ARHGEF6: variants seen among roughly 807,000 people sequenced by gnomAD.
ARHGEF6 encodes the protein Rac/Cdc42 guanine nucleotide exchange factor 6, also known as rho guanine nucleotide exchange factor 6.
Under a neutral mutation model 70.3 loss-of-function variants are expected in ARHGEF6, and 9 were observed. The ratio of observed to expected loss-of-function variants is 0.13; its 90% CI spans 0.08 to 0.22. The LOEUF (loss-of-function observed/expected upper bound fraction) is 0.22. Ranked by LOEUF, ARHGEF6 falls within the 10% of genes least tolerant of loss-of-function variation. ARHGEF6 has a pLI of 1.00. For synonymous variants in ARHGEF6, 201 were observed against 207.8 expected (o/e 0.97, Z 0.28); for missense variants, 470 against 563.0 (o/e 0.83, Z 1.67).
intron 2 of ARHGEF6, among the ~76,000 whole-genome samples, chrX:136,777,786 A>C (rs989857089): frequency 1.8e-5 from 2 of 109,818 alleles, no homozygotes; most frequent in Admixed American, 2.0e-4. Flanking sequence ...ACACACACAC[A>C]CCATGGAATA....
intron 2 of ARHGEF6, among the ~76,000 whole-genome samples, chrX:136,771,856 G>A (rs970156933): frequency 8.9e-5 from 10 of 111,801 alleles, no homozygotes; most frequent in East Asian, 2.8e-4. Flanking sequence ...GAGGTGCCTC[G>A]AAAAACTGAA....
intron 2 of ARHGEF6, among the ~76,000 whole-genome samples, chrX:136,762,886 C>G (rs1186000955): frequency 9.0e-6 from 1 of 111,525 alleles, no homozygotes; most frequent in Non-Finnish European, 1.9e-5. Context: ...ATGTCCAAAG[C>G]TCAAGCTCAT....
At chrX:136,693,677 T>C (rs374324117) in intron 9 of ARHGEF6, among the ~76,000 whole-genome samples, 1 of 112,162 alleles carries the variant, frequency 8.9e-6, no homozygotes, top group Non-Finnish European at 1.9e-5. Flanking sequence ...TCTGGGATAT[T>C]CTGGGTTGGA....
At chrX:136,727,325 T>TTCTTTCTCTTTC (rs1556284733) in intron 6 of ARHGEF6, among the ~76,000 whole-genome samples, 34 of 61,086 alleles carry the variant, frequency 5.6e-4, no homozygotes, top group Non-Finnish European at 9.2e-4. Context: ...CTTTCTTTCT[T>TTCTTTCTCTTTC]TTTCTTTCTT....
chrX:136,678,062 G>T, intron 16 of ARHGEF6, 106 bp from the exon 17 acceptor site: 1 of 730,551 alleles, frequency 1.4e-6, no homozygotes, highest in Non-Finnish European at 2.2e-6. Context: ...AAATGTTAGT[G>T]TTATCATAAA....
At chrX:136,681,606 T>C (rs780168251) in intron 14 of ARHGEF6, among the ~76,000 whole-genome samples, 1 of 112,199 alleles carries the variant, frequency 8.9e-6, no homozygotes, top group East Asian at 2.8e-4. Flanking sequence ...GGAAGAAAAT[T>C]GCGTTTACAT....
intron 20 of ARHGEF6, among the ~76,000 whole-genome samples, 186 bp downstream of exon 20, chrX:136,671,834 T>C (rs753154985): frequency 3.0e-4 from 34 of 111,918 alleles, no homozygotes; most frequent in Non-Finnish European, 5.5e-4. Flanking sequence ...TGCTTTTCCT[T>C]CCTCTTTCCA....
chrX:136,773,899 G>T (rs1301503897), intron 2 of ARHGEF6: 1 of 111,442 alleles, frequency 9.0e-6, no homozygotes, highest in Non-Finnish European at 1.9e-5. Context: ...ATAATGCCCA[G>T]GTCAGCATGA....
intron 2 of ARHGEF6, among the ~76,000 whole-genome samples, chrX:136,768,797 C>T (rs1256798882): frequency 9.0e-6 from 1 of 111,650 alleles, no homozygotes; most frequent in Non-Finnish European, 1.9e-5. Context: ...TGCAGAGCAG[C>T]CCCTGGGAAA....
intron 13 of ARHGEF6, among the ~76,000 whole-genome samples, chrX:136,682,479 A>G (rs1050764710): frequency 8.9e-6 from 1 of 112,292 alleles, no homozygotes; most frequent in Non-Finnish European, 1.9e-5. Context: ...ATGGGCCTGT[A>G]CAATACTGCT....
At chrX:136,707,080 C>A (rs752979784) in intron 8 of ARHGEF6, 50 bp from the exon 9 acceptor site, 38 of 1,190,440 alleles carry the variant, frequency 3.2e-5, no homozygotes, top group African/African-American at 5.3e-5. Flanking sequence ...AAACAGGAGG[C>A]AAAGGAAGAT....
At chrX:136,745,477 C>T (rs1923453344) in intron 3 of ARHGEF6, 130 bp from the exon 4 acceptor site, 4 of 877,512 alleles carry the variant, frequency 4.6e-6, no homozygotes, top group African/African-American at 1.9e-5. Context: ...TCATTATGAA[C>T]ATGCCAAGTG....
intron 6 of ARHGEF6, among the ~76,000 whole-genome samples, chrX:136,727,426 TTTCC>T (rs1218797783): frequency 3.0e-5 from 3 of 100,432 alleles, no homozygotes; most frequent in African/African-American, 1.1e-4. Flanking sequence ...TCTTTCTTTC[TTTCC>T]TTCTTTCTTT....
intron 6 of ARHGEF6, among the ~76,000 whole-genome samples, chrX:136,723,954 T>A (rs2076826369): frequency 1.8e-5 from 2 of 111,032 alleles, no homozygotes; most frequent in Non-Finnish European, 3.8e-5. Context: ...AAAAATAAAA[T>A]ATTTACTTGG....
At position 136,672,110 on chromosome X, in the gene ARHGEF6, T is replaced by G; in HGVS notation, c.2045A>C (p.Lys682Thr). Residue 682 changes from lysine to threonine, a missense_variant, in exon 20 of 22, where the codon AAA becomes ACA. By Grantham distance (78) the Lys-to-Thr change is moderately conservative (BLOSUM62 -1). This residue lies in a region of ARHGEF6 where 88 missense variants were observed against 95.5 expected (regional missense o/e 0.92). Coordinates refer to ENST00000250617, the MANE Select transcript of ARHGEF6 (RefSeq NM_004840.3). ...FQQGHGSSTR[K>T]DSIPQVLLPE... ...GAGTAGGACTTGTGGAATGGAATCT[T>G]TTCGAGTACCTACAAACAAGGGTTG... The G allele has an allele frequency of 1.7e-6, 2 of 1,202,769 alleles. No individual in the cohort carries two copies. The highest frequency in any genetic ancestry group is 3.5e-5 in the African/African-American group (2 of 57,588).
chrX:136,753,591 G>A (rs1203289892), intron 2 of ARHGEF6, among the ~76,000 whole-genome samples: 1 of 111,614 alleles, frequency 9.0e-6, no homozygotes, highest in East Asian at 2.8e-4. Context: ...AAAGGCCAAT[G>A]CATAAACCAA....
At chrX:136,676,576 C>A in intron 18 of ARHGEF6, 48 bp downstream of exon 18, 1 of 1,010,322 alleles carries the variant, frequency 9.9e-7, no homozygotes, top group South Asian at 1.9e-5. Flanking sequence ...AGAAGATTCT[C>A]ATGTTAATTT....
chrX:136,667,985 C>A lies in ARHGEF6; in HGVS notation c.*44G>T. 4.1e-6 allele frequency: 5 copies of A among 1,207,988 alleles called. No homozygotes were observed. Among genetic ancestry groups the A allele is most frequent in the Non-Finnish European group, 5.6e-6 (5 of 892,549 alleles). Reference sequence around the variant, plus strand: ...AGTCAAATCATTCAGCGGGACATTTCAAGATGCCCTGAAGGCACACTCCAC... The same window carrying A: ...AGTCAAATCATTCAGCGGGACATTTAAAGATGCCCTGAAGGCACACTCCAC... On this transcript the variant is annotated 3_prime_UTR_variant, in exon 22 of 22. Transcript: ENST00000250617.
At chrX:136,701,836 T>C (rs917901919) in intron 9 of ARHGEF6, among the ~76,000 whole-genome samples, 2 of 106,581 alleles carry the variant, frequency 1.9e-5, no homozygotes, top group Non-Finnish European at 3.9e-5. Flanking sequence ...GCCTCCCTAG[T>C]AGCTGGGACT....
Sources: gnomAD v4.1 joint callset for allele counts (sites outside exome capture counted in the v4.1 genomes callset) on GRCh38, gnomAD v4.1.1 for gene constraint, gnomAD v4.1.1 regional missense constraint, MANE v1.5 for transcripts, NCBI Gene and HGNC (gene_info 2026-07-23, HGNC 2026-07-21) for gene names.